The following CTNNA2 variants were observed in gnomAD, a reference collection of about 807,000 sequenced individuals.
The protein encoded by CTNNA2 is catenin alpha 2, also known as catenin alpha-2.
Under a neutral mutation model 101.0 loss-of-function variants are expected in CTNNA2, and 42 were observed. The observed-to-expected ratio is 0.42, with a 90% CI of 0.32 to 0.54. The LOEUF (loss-of-function observed/expected upper bound fraction) is 0.54. Ranked by LOEUF, CTNNA2 falls within the 20% of genes least tolerant of loss-of-function variation. CTNNA2 has a pLI of 0.14. For synonymous variants in CTNNA2, 450 were observed against 456.4 expected (o/e 0.99, Z 0.18); for missense variants, 871 against 1,223.1 (o/e 0.71, Z 4.29).
chr2:80,131,819 GC>G (rs1180021373), intron 7 of CTNNA2, among the ~76,000 whole-genome samples: 6 of 152,304 alleles, frequency 3.9e-5, no homozygotes, highest in Admixed American at 3.3e-4. Flanking sequence ...GGTGGCTCAT[GC>G]CTGTAATCCC....
At position 80,606,367 on chromosome 2, in the gene CTNNA2, A is replaced by AACACAC. The variant is rs67402125; in HGVS notation, c.2296-1776_2296-1771dup. 7.4e-3 allele frequency among the ~76,000 whole-genome samples: 1,016 copies of AACACAC among 137,466 alleles called. 8 individuals are homozygous for AACACAC. Among genetic ancestry groups the AACACAC allele is most frequent in the African/African-American group, 0.016 (583 of 36,234 alleles). 90.2% of individuals were successfully genotyped at this position (137,466 alleles called of 152,430 possible). A position where few individuals can be genotyped will look rare whatever the true frequency, so the allele number is the denominator to read the frequency against. On this transcript the variant is annotated intron_variant, in intron 16 of 18. Transcript: ENST00000402739. ...CAGTTGATATGTGAAAAACACATCAAACACACACACACACACACACACACA... is the reference window on the plus strand; with the variant it reads ...CAGTTGATATGTGAAAAACACATCAAACACACACACACACACACACACACACACACA...
intron 2 of CTNNA2, among the ~76,000 whole-genome samples, chr2:79,278,139 T>A (rs969682029): frequency 6.6e-6 from 1 of 152,070 alleles, no homozygotes; most frequent in Admixed American, 6.6e-5. Flanking sequence ...TGCTCCTACT[T>A]CACTGTATGG....
intron 7 of CTNNA2, among the ~76,000 whole-genome samples, chr2:80,229,998 A>G (rs1007052900): frequency 3.3e-5 from 5 of 152,140 alleles, no homozygotes; most frequent in Admixed American, 6.5e-5. Context: ...TTTTAGATAT[A>G]AAAGTACTAC....
In CTNNA2 at chr2:79,581,492, T is replaced by G. The variant is rs533561394; in HGVS notation, c.-6+68285T>G. Among the ~76,000 whole-genome samples, 10 of 151,998 alleles carry G rather than the reference T, an allele frequency of 6.6e-5. No individual in the cohort carries two copies. The South Asian group carries it at 2.1e-3, about 32-fold the overall frequency. ...GTGAACCAAGATGGTACCACTGTAC[T>G]CCGGCCTGGAGGACAGAGGAAGACT... On this transcript the variant is annotated intron_variant, in intron 1 of 18. Coordinates refer to ENST00000402739, the MANE Select transcript of CTNNA2 (RefSeq NM_001282597.3).
chr2:79,218,750 T>G (rs1558577351), intron 2 of CTNNA2, among the ~76,000 whole-genome samples: 1 of 152,180 alleles, frequency 6.6e-6, no homozygotes. Flanking sequence ...ATAATAATTA[T>G]GCATAATTAT....
chr2:80,593,371 G>T (rs1459531994), intron 15 of CTNNA2, among the ~76,000 whole-genome samples: 1 of 151,166 alleles, frequency 6.6e-6, no homozygotes, highest in Middle Eastern at 3.2e-3. Flanking sequence ...TTGTTTTGCT[G>T]TTGGCTATTT....
intron 7 of CTNNA2, among the ~76,000 whole-genome samples, chr2:80,140,365 A>G (rs559525797): frequency 5.9e-5 from 9 of 152,152 alleles, no homozygotes; most frequent in Non-Finnish European, 1.3e-4. Context: ...CGGGCATGCC[A>G]TGACCTTGCA....
At chr2:80,334,377 G>A (rs1671601038) in intron 7 of CTNNA2, among the ~76,000 whole-genome samples, 1 of 152,118 alleles carries the variant, frequency 6.6e-6, no homozygotes, top group Non-Finnish European at 1.5e-5. Context: ...AGACCTCAGA[G>A]CCTCATTTGC....
At chr2:79,377,787 G>A (rs911509986) in intron 4 of CTNNA2, among the ~76,000 whole-genome samples, 1 of 152,078 alleles carries the variant, frequency 6.6e-6, no homozygotes, top group Non-Finnish European at 1.5e-5. Context: ...CACCTGAAGG[G>A]CCTTTATTAT....
At chr2:80,455,263 C>T (rs999147907) in intron 9 of CTNNA2, among the ~76,000 whole-genome samples, 4 of 152,196 alleles carry the variant, frequency 2.6e-5, no homozygotes, top group Non-Finnish European at 5.9e-5. Flanking sequence ...TCACATAAGT[C>T]TGGCGTAGAG....
intron 4 of CTNNA2, among the ~76,000 whole-genome samples, chr2:79,379,153 T>G (rs1165395973): frequency 6.6e-6 from 1 of 152,220 alleles, no homozygotes; most frequent in African/African-American, 2.4e-5. Flanking sequence ...AGAAATTTTC[T>G]ACATATACCT....
rs974929401 is a variant in CTNNA2 at position 80,070,830 on chromosome 2, G to T, written c.1056+161033G>T. ...GAATCTCATCTCCTTTCTTCTTCCA[G>T]CTGCTGGTGGCTACCTACATTCCTT... On this transcript the variant is annotated intron_variant, in intron 7 of 18. Transcript: ENST00000402739. 9.9e-5 allele frequency among the ~76,000 whole-genome samples: 15 copies of T among 151,990 alleles called. 1 individual carries two copies. Among genetic ancestry groups the T allele is most frequent in the African/African-American group, 3.6e-4 (15 of 41,374 alleles).
At chr2:79,305,896 A>G (rs1174748907) in intron 2 of CTNNA2, among the ~76,000 whole-genome samples, 1 of 151,910 alleles carries the variant, frequency 6.6e-6, no homozygotes, top group African/African-American at 2.4e-5. Flanking sequence ...ATACAAAAAA[A>G]TTAGCTGGGC....
At chr2:79,788,876 C>G (rs1164461045) in intron 3 of CTNNA2, among the ~76,000 whole-genome samples, 1 of 152,128 alleles carries the variant, frequency 6.6e-6, no homozygotes, top group Non-Finnish European at 1.5e-5. Flanking sequence ...GTAAAAGAAA[C>G]ACAAAGCAAT....
At chr2:79,188,503 G>A (rs970815039) in intron 1 of CTNNA2, among the ~76,000 whole-genome samples, 3 of 152,132 alleles carry the variant, frequency 2.0e-5, no homozygotes, top group Non-Finnish European at 4.4e-5. Context: ...AACCTAATCA[G>A]TTAGAAAAAT....
chr2:79,892,944 T>C (rs1198827569), intron 6 of CTNNA2, among the ~76,000 whole-genome samples: 2 of 152,178 alleles, frequency 1.3e-5, no homozygotes, highest in East Asian at 1.9e-4. Flanking sequence ...CTTCTTACAC[T>C]GACATTTCCA....
At chr2:80,149,023 A>ATTTTTT (rs34431691) in intron 7 of CTNNA2, among the ~76,000 whole-genome samples, 6 of 124,816 alleles carry the variant, frequency 4.8e-5, no homozygotes, top group South Asian at 2.5e-4. Flanking sequence ...TTATTTTGTT[A>ATTTTTT]TTTTTTTTTT....
intron 3 of CTNNA2, among the ~76,000 whole-genome samples, chr2:79,760,402 C>G (rs1311995081): frequency 6.6e-6 from 1 of 151,944 alleles, no homozygotes; most frequent in Non-Finnish European, 1.5e-5. Flanking sequence ...TTGGTTCATG[C>G]AGTTGTGGGA....
Position 80,303,657 on chromosome 2 carries a change from G to A in CTNNA2, c.1057-89554G>A. ...TTGTGGGGCGCCTCGGTGAGGTTGA[G>A]CGCCTCGCAGTACAGCAGCCGCCCC... On this transcript the variant is annotated intron_variant, in intron 7 of 18. Coordinates refer to ENST00000402739, the MANE Select transcript of CTNNA2 (RefSeq NM_001282597.3). The surrounding 1 kb of genome is among the most constrained non-coding windows in gnomAD (Gnocchi z 7.7). 6.2e-7 allele frequency: 1 copy of A among 1,612,970 alleles called. No homozygotes were observed. Among genetic ancestry groups the A allele is most frequent in the South Asian group, 1.1e-5 (1 of 91,006 alleles).
Sources: gnomAD v4.1 joint callset for allele counts (sites outside exome capture counted in the v4.1 genomes callset) on GRCh38, gnomAD v4.1.1 for gene constraint, Gnocchi (gnomAD v3.1) non-coding constraint, MANE v1.5 for transcripts, NCBI Gene and HGNC (gene_info 2026-07-23, HGNC 2026-07-21) for gene names.